The following QSER1 variants were observed in gnomAD, a reference collection of about 807,000 sequenced individuals.
QSER1 encodes glutamine and serine rich 1, also known as glutamine and serine-rich protein 1.
Under a neutral mutation model 158.5 loss-of-function variants are expected in QSER1, and 49 were observed. That is an observed-to-expected ratio of 0.31 (90% confidence interval 0.25 to 0.39). The LOEUF is 0.39. Ranked by LOEUF, QSER1 falls within the 10% of genes least tolerant of loss-of-function variation. The pLI, the probability that QSER1 is intolerant of heterozygous loss-of-function variation, is 1.00. For missense variants in QSER1, 1,754 were observed against 2,010.3 expected (o/e 0.87, Z 2.44); for synonymous variants, 650 against 715.5 (o/e 0.91, Z 1.46).
At chr11:32,920,180 G>A (rs1477290309) in intron 1 of QSER1, among the ~76,000 whole-genome samples, 1 of 152,156 alleles carries the variant, frequency 6.6e-6, no homozygotes, top group Non-Finnish European at 1.5e-5. Flanking sequence ...CCAGAGTAAG[G>A]AAATACACAT....
chr11:32,951,329 A>G (rs1416538753), intron 4 of QSER1, among the ~76,000 whole-genome samples: 3 of 152,152 alleles, frequency 2.0e-5, no homozygotes, highest in South Asian at 4.1e-4. Context: ...CTGTATTTCT[A>G]TAGCTTTATG....
At position 32,932,392 on chromosome 11, in the gene QSER1, A is replaced by T; in HGVS notation, c.1134A>T (p.Leu378Phe). 6.2e-7 allele frequency: 1 copy of T among 1,612,606 alleles called. No homozygotes were observed. Among genetic ancestry groups the T allele is most frequent in the Non-Finnish European group, 8.5e-7 (1 of 1,180,006 alleles). Residue 378 changes from leucine (L) to phenylalanine (F), a missense_variant, in exon 4 of 13, where the codon TTA becomes TTT. By Grantham distance (22) the Leu-to-Phe change is conservative. This residue lies in a region of QSER1 where 1,707 missense variants were observed against 1,919.6 expected (regional missense o/e 0.89). Coordinates refer to ENST00000650167, the MANE Select transcript of QSER1 (RefSeq NM_001076786.3). ...GDSTQVSNGGLQQKTSQVSVE... is the reference protein window; with the variant it reads ...GDSTQVSNGGFQQKTSQVSVE... The stretch of plus-strand genomic sequence containing the variant: ...CCACTCAGGTGAGCAACGGAGGATT[A>T]CAACAGAAGACCTCCCAGGTCTCAG...
At position 32,933,645 on chromosome 11, in the gene QSER1, C is replaced by G; in HGVS notation, c.2387C>G (p.Pro796Arg). The change falls in exon 4 of 13, where the codon CCA becomes CGA. Residue 796 changes from proline (P) to arginine (R), a missense_variant. By Grantham distance (103) the Pro-to-Arg change is moderately radical. Around this residue, in one of 2 missense-constraint regions of QSER1, gnomAD observed 1,707 missense variants for 1,919.6 expected, o/e 0.89. Coordinates refer to ENST00000650167, the MANE Select transcript of QSER1 (RefSeq NM_001076786.3). ...AACTCAACTAATTTAATACAGACTC[C>G]ACAAATAAGGTTGAATACTAAAGAC... is the stretch of plus-strand genomic sequence containing the variant. The part of the protein sequence containing the change: ...LKNSTNLIQT[P>R]QIRLNTKDLK... 6.2e-7 allele frequency: 1 copy of G among 1,613,554 alleles called. No homozygotes were observed.
intron 11 of QSER1, 132 bp downstream of exon 11, chr11:32,973,681 G>C: frequency 2.5e-6 from 2 of 814,838 alleles, no homozygotes; most frequent in Non-Finnish European, 3.8e-6. Flanking sequence ...GTAGGAATAA[G>C]CGTCACTGGC....
At chr11:32,914,125 A>G (rs1222527302) in intron 1 of QSER1, among the ~76,000 whole-genome samples, 1 of 152,252 alleles carries the variant, frequency 6.6e-6, no homozygotes, top group Non-Finnish European at 1.5e-5. Context: ...GATTTAATTC[A>G]GTGGACTTAG....
chr11:32,904,189 CTT>C (rs370789790), intron 1 of QSER1, among the ~76,000 whole-genome samples: 22 of 137,164 alleles, frequency 1.6e-4, no homozygotes, highest in Admixed American at 1.5e-4. Context: ...ATTTCTTTTT[CTT>C]TTTTTTTTTT....
rs1392628267 is a variant in QSER1 at position 32,927,993 on chromosome 11, C to T, written c.354C>T (p.Asn118=). The change falls in exon 3 of 13, where the codon AAC becomes AAT. Residue 118 remains asparagine (N), a synonymous_variant. Transcript: ENST00000650167. Reference sequence around the variant, plus strand: ...CTGGAATATTTGATACTAGTGTGAACAGTGCCAGCAGTAACACTAAAGAGT... The same window carrying T: ...CTGGAATATTTGATACTAGTGTGAATAGTGCCAGCAGTAACACTAAAGAGT... ...GLSGIFDTSV[N]SASSNTKESS... is the part of the protein sequence containing the mutation. 2 of 1,232,868 alleles carry T rather than the reference C, an allele frequency of 1.6e-6. No homozygotes were observed. The highest frequency in any genetic ancestry group is 4.7e-5 in the East Asian group (2 of 42,764). 76.4% of individuals were successfully genotyped at this position (1,232,868 alleles called of 1,614,324 possible).
rs1305573114 is a variant in QSER1 at position 32,933,346 on chromosome 11, A to G, written c.2088A>G (p.Gln696=). 20 of 1,612,406 alleles carry G rather than the reference A, an allele frequency of 1.2e-5. No individual in the cohort carries two copies. Among genetic ancestry groups the G allele is most frequent in the Non-Finnish European group, 1.7e-5 (20 of 1,179,572 alleles). The change falls in exon 4 of 13, where the codon CAA becomes CAG. Residue 696 remains glutamine, a synonymous_variant. Transcript: ENST00000650167. The stretch of plus-strand genomic sequence containing the variant: ...AGCAAGAAGATGGTTTTCCAATGCA[A>G]GAGTTACAGGTGTTGCAGCCACAAG... ...SSKQEDGFPM[Q]ELQVLQPQAS... is the part of the protein sequence containing the mutation.
Position 32,934,105 on chromosome 11 carries a change from A to G in QSER1, c.2847A>G (p.Gln949=). ...TTKGHFSETN[Q]HDSKNQFVSL... ...AGGGCCATTTTAGTGAAACAAATCA[A>G]CATGATTCAAAGAATCAGTTTGTTT... The change falls in exon 4 of 13, where the codon CAA becomes CAG. Residue 949 remains glutamine, a synonymous_variant. Transcript: ENST00000650167. The G allele has an allele frequency of 6.2e-7, 1 of 1,614,034 alleles. No homozygotes were observed. The highest frequency in any genetic ancestry group is 8.5e-7 in the Non-Finnish European group (1 of 1,179,992).
chr11:32,940,235 T>C (rs1251052215), intron 4 of QSER1, among the ~76,000 whole-genome samples: 1 of 152,146 alleles, frequency 6.6e-6, no homozygotes, highest in Non-Finnish European at 1.5e-5. Flanking sequence ...AAACAGATTT[T>C]CCCCTTACTG....
chr11:32,923,668 A>C (rs1851927641), intron 1 of QSER1, among the ~76,000 whole-genome samples: 1 of 82,810 alleles, frequency 1.2e-5, no homozygotes, highest in Admixed American at 1.5e-4. Flanking sequence ...ACAGAGTGAG[A>C]CTCTTGTCTC....
chr11:32,907,206 G>T (rs748209167), intron 1 of QSER1, among the ~76,000 whole-genome samples: 7 of 152,132 alleles, frequency 4.6e-5, no homozygotes, highest in Non-Finnish European at 8.8e-5. Flanking sequence ...TTTTCTAAAA[G>T]TTTGTAAGGA....
At chr11:32,897,017 G>A (rs1045960527) in intron 1 of QSER1, among the ~76,000 whole-genome samples, 3 of 152,292 alleles carry the variant, frequency 2.0e-5, no homozygotes, top group Admixed American at 6.5e-5. Flanking sequence ...CATGGAAACC[G>A]TGTTGTAAGT....
At position 32,942,702 on chromosome 11, in the gene QSER1, T is replaced by A. The variant is rs1446053520; in HGVS notation, c.4177+7267T>A. Among the ~76,000 whole-genome samples, 4 of 152,208 alleles carry A rather than the reference T, an allele frequency of 2.6e-5. No individual in the cohort carries two copies. In the East Asian group the frequency reaches 5.8e-4, roughly 22 times the overall value. ...GCTTTGTTCTTTTGGCTTAGGATTA[T>A]CTTGGCAATGCGGGCTCTTTTTTGG... On this transcript the variant is annotated intron_variant, in intron 4 of 12. Transcript: ENST00000650167.
At position 32,892,843 on chromosome 11, in the gene QSER1, G is replaced by GGCCGCCGCAGCGGCCGCC. The variant is rs1554922092; in HGVS notation, c.-275_-274insAGCGGCCGCCGCCGCCGC. ...GAAATCCACCAACATGGGGCGCAGC[G>GGCCGCCGCAGCGGCCGCC]GCCGCCGCCGCCGCCGCCGTCGCCG... On this transcript the variant is annotated 5_prime_UTR_variant, in exon 1 of 13. Transcript: ENST00000650167. Among the ~76,000 whole-genome samples, 20 of 144,782 alleles carry GGCCGCCGCAGCGGCCGCC rather than the reference G, an allele frequency of 1.4e-4. No homozygotes were observed. The highest frequency in any genetic ancestry group is 5.0e-4 in the African/African-American group (20 of 39,606). The allele number at this position is 144,782 out of a possible 152,430, so 95.0% of individuals were successfully genotyped here.
rs1852748233 is a variant in QSER1, at chr11:32,966,361, C to T, written c.5031C>T (p.Thr1677=). 1.9e-6 allele frequency: 3 copies of T among 1,614,068 alleles called. No homozygotes were observed. Among genetic ancestry groups the T allele is most frequent in the Admixed American group, 1.7e-5 (1 of 60,008 alleles). ...RFLNTRAMKE[T]FKSYMELLVS... ...TGAACACAAGAGCAATGAAGGAAACCTTTAAGAGCTACATGGAATTGCTTG... is the reference window on the plus strand; with the variant it reads ...TGAACACAAGAGCAATGAAGGAAACTTTTAAGAGCTACATGGAATTGCTTG... Residue 1677 remains threonine, a synonymous_variant, in exon 9 of 13, where the codon ACC becomes ACT. Transcript: ENST00000650167.
chr11:32,921,389 G>C (rs1564930365), intron 1 of QSER1, among the ~76,000 whole-genome samples: 1 of 152,176 alleles, frequency 6.6e-6, no homozygotes, highest in Non-Finnish European at 1.5e-5. Context: ...GTTTATTTGG[G>C]GGGGATGATC....
intron 8 of QSER1, among the ~76,000 whole-genome samples, chr11:32,964,735 T>C (rs1408145411): frequency 0.034 from 3,888 of 116,052 alleles, 122 homozygotes; most frequent in Non-Finnish European, 0.053. Context: ...TATATATATA[T>C]ATATACACAC....
intron 1 of QSER1, among the ~76,000 whole-genome samples, chr11:32,912,524 C>T (rs1460380877): frequency 6.6e-6 from 1 of 152,052 alleles, no homozygotes; most frequent in Non-Finnish European, 1.5e-5. Context: ...CATGTCAGAA[C>T]TACTAATCAA....
Sources: allele counts gnomAD v4.1 joint callset (sites outside exome capture counted in the v4.1 genomes callset), GRCh38; gene constraint gnomAD v4.1.1; regional missense constraint gnomAD v4.1.1; transcripts MANE v1.5; gene names NCBI Gene and HGNC (gene_info 2026-07-23, HGNC 2026-07-21).